The following RELN variants were observed in gnomAD, a reference collection of about 807,000 sequenced individuals.
RELN encodes reelin.
RELN carries 108 observed loss-of-function variants against 427.6 expected under a neutral mutation model. That is an observed-to-expected ratio of 0.25 (90% confidence interval 0.22 to 0.30). RELN has a LOEUF of 0.30. Ranked by LOEUF, RELN falls within the 10% of genes least tolerant of loss-of-function variation. The pLI is 1.00. For synonymous variants in RELN, 1,524 were observed against 1,513.4 expected, an observed-to-expected ratio of 1.01 and a Z score of -0.16; for missense variants, 3,715 against 4,302.8, an observed-to-expected ratio of 0.86 and a Z score of 3.82.
intron 1 of RELN, among the ~76,000 whole-genome samples, chr7:103,956,869 T>C (rs540496856): frequency 6.6e-6 from 1 of 152,276 alleles, no homozygotes; most frequent in African/African-American, 2.4e-5. Context: ...TAGAAATGAC[T>C]GTCAAAGAGG....
At chr7:103,734,481 T>C (rs369914784) in intron 6 of RELN, among the ~76,000 whole-genome samples, 1 of 152,186 alleles carries the variant, frequency 6.6e-6, no homozygotes, top group Non-Finnish European at 1.5e-5. Flanking sequence ...TATTTTGCCA[T>C]GAACAATATG....
chr7:103,629,144 T>C (rs1023054772), intron 20 of RELN, among the ~76,000 whole-genome samples: 4 of 152,200 alleles, frequency 2.6e-5, no homozygotes, highest in African/African-American at 4.8e-5. Context: ...ATATCCACCA[T>C]GTGAACTACA....
At chr7:103,949,382 T>TAAAA (rs11374878) in intron 1 of RELN, among the ~76,000 whole-genome samples, 1 of 148,884 alleles carries the variant, frequency 6.7e-6, no homozygotes, top group African/African-American at 2.5e-5. Flanking sequence ...ACTTTGAACT[T>TAAAA]AAAAAAAAAA....
At chr7:103,673,955 T>C (rs571015086) in intron 11 of RELN, among the ~76,000 whole-genome samples, 13 of 151,524 alleles carry the variant, frequency 8.6e-5, no homozygotes, top group South Asian at 4.2e-4. Flanking sequence ...TCCTCCTCCT[T>C]CTTCTTCTCC....
At chr7:103,967,824 T>A (rs575649355) in intron 1 of RELN, among the ~76,000 whole-genome samples, 33 of 152,286 alleles carry the variant, frequency 2.2e-4, no homozygotes, top group African/African-American at 7.0e-4. Context: ...CTGTCAAAAT[T>A]TCAAGCTTCA....
chr7:103,713,413 T>A (rs10280766), intron 8 of RELN, among the ~76,000 whole-genome samples: 40,814 of 152,124 alleles, frequency 0.27, 5,607 homozygotes, highest in South Asian at 0.38. Flanking sequence ...CTAGATAGAT[T>A]AATGGAGAAC....
chr7:103,842,490 G>A (rs1003932838), intron 2 of RELN, among the ~76,000 whole-genome samples: 2 of 152,132 alleles, frequency 1.3e-5, no homozygotes, highest in Admixed American at 1.3e-4. Flanking sequence ...TTCATATGCT[G>A]AAAAGTAATC....
At chr7:103,904,882 A>G (rs1393108191) in intron 2 of RELN, among the ~76,000 whole-genome samples, 2 of 151,942 alleles carry the variant, frequency 1.3e-5, no homozygotes, top group Non-Finnish European at 1.5e-5. Flanking sequence ...TAAAAACTGG[A>G]AAGAGATGAA....
At chr7:103,639,217 T>C (rs1037163497) in intron 17 of RELN, among the ~76,000 whole-genome samples, 1 of 152,132 alleles carries the variant, frequency 6.6e-6, no homozygotes, top group Non-Finnish European at 1.5e-5. Flanking sequence ...GCATATTCAG[T>C]TTGGAAATAT....
chr7:103,719,110 G>T (rs1222127400), intron 8 of RELN, among the ~76,000 whole-genome samples: 17 of 152,108 alleles, frequency 1.1e-4, no homozygotes, highest in African/African-American at 3.9e-4. Context: ...AATTAAATGA[G>T]TTTAAAACCT....
Position 103,495,813 on chromosome 7 carries a change from G to C in RELN, c.9279C>G (p.Leu3093=), listed in dbSNP as rs138856852. ...TGTCCTTCTTTTTATTTGGCCAATA[G>C]AGGTGAAAGGATGGATTGCCACAAA... The part of the protein sequence containing the change: ...AGFCGNPSFH[L]YWPNKKKDKT... The change falls in exon 57 of 65, where the codon CTC becomes CTG. Residue 3093 remains leucine (L), a synonymous_variant. Coordinates refer to ENST00000428762, the MANE Select transcript of RELN (RefSeq NM_005045.4). The C allele has an allele frequency of 6.2e-7, 1 of 1,614,056 alleles. No individual in the cohort carries two copies. Among genetic ancestry groups the C allele is most frequent in the Non-Finnish European group, 8.5e-7 (1 of 1,179,974 alleles).
At chr7:103,566,562 C>A (rs1202086021) in intron 32 of RELN, 39 bp downstream of exon 32, 38 of 1,613,432 alleles carry the variant, frequency 2.4e-5, no homozygotes, top group Non-Finnish European at 2.7e-5. Flanking sequence ...ACTTCATGAC[C>A]TAAAAGCTAC....
At chr7:103,514,569 G>C (rs953705639) in intron 50 of RELN, among the ~76,000 whole-genome samples, 1 of 152,130 alleles carries the variant, frequency 6.6e-6, no homozygotes, top group Non-Finnish European at 1.5e-5. Context: ...TGAGGCAGGA[G>C]AATTGCTTGC....
At chr7:103,913,080 G>A (rs1267742881) in intron 2 of RELN, among the ~76,000 whole-genome samples, 1 of 152,056 alleles carries the variant, frequency 6.6e-6, no homozygotes, top group South Asian at 2.1e-4. Context: ...CGTATTTCTG[G>A]CTATTAGGCA....
At chr7:103,982,591 C>T (rs1303804652) in intron 1 of RELN, among the ~76,000 whole-genome samples, 1 of 151,824 alleles carries the variant, frequency 6.6e-6, no homozygotes, top group East Asian at 1.9e-4. Context: ...AGGACCATGG[C>T]ATGGAGTCAA....
Position 103,983,217 on chromosome 7 carries a change from T to C in RELN, c.226+5914A>G, listed in dbSNP as rs544263107. 5.9e-5 allele frequency among the ~76,000 whole-genome samples: 9 copies of C among 152,312 alleles called. No homozygotes were observed. In the South Asian group the frequency reaches 1.9e-3, roughly 32 times the overall value. On this transcript the variant is annotated intron_variant, in intron 1 of 64. Transcript: ENST00000428762. ...CCCCTGCCACACACACATCCTCAAA[T>C]ACATTTGCTATAATTGGTTCTTAGA...
At chr7:103,658,754 G>A (rs1833075249) in intron 12 of RELN, among the ~76,000 whole-genome samples, 1 of 151,766 alleles carries the variant, frequency 6.6e-6, no homozygotes, top group African/African-American at 2.4e-5. Context: ...CACCATTGGG[G>A]AAACTCCCTC....
At chr7:103,750,136 T>C (rs944739736) in intron 5 of RELN, among the ~76,000 whole-genome samples, 1 of 152,146 alleles carries the variant, frequency 6.6e-6, no homozygotes, top group African/African-American at 2.4e-5. Flanking sequence ...CCTACTACCA[T>C]GACTGGCTAA....
chr7:103,629,500 G>A (rs558971354), intron 20 of RELN, among the ~76,000 whole-genome samples: 78 of 152,252 alleles, frequency 5.1e-4, no homozygotes, highest in African/African-American at 1.8e-3. Flanking sequence ...AAGAGAGCAT[G>A]AAAACAGAGC....
Sources: gnomAD v4.1 joint callset for allele counts (sites outside exome capture counted in the v4.1 genomes callset) on GRCh38, gnomAD v4.1.1 for gene constraint, MANE v1.5 for transcripts, NCBI Gene and HGNC (gene_info 2026-07-23, HGNC 2026-07-21) for gene names.